Variants in ARMH3 observed in about 807,000 individuals in gnomAD.
ARMH3 encodes armadillo like helical domain containing 3.
In ARMH3, 60 loss-of-function variants were observed where a neutral mutation model predicts 99.1. The ratio of observed to expected loss-of-function variants is 0.61; its 90% CI spans 0.49 to 0.75. ARMH3 has a LOEUF of 0.75. Ranked by LOEUF, ARMH3 falls within the 30% of genes least tolerant of loss-of-function variation. ARMH3 has a pLI of 0.00. For synonymous variants in ARMH3, 285 were observed against 292.8 expected (o/e 0.97, Z 0.27); for missense variants, 679 against 843.1 (o/e 0.81, Z 2.41).
intron 8 of ARMH3, among the ~76,000 whole-genome samples, chr10:102,020,779 G>A (rs1405301627): frequency 1.3e-5 from 2 of 151,188 alleles, no homozygotes; most frequent in East Asian, 1.9e-4. Flanking sequence ...CTTGAACCTG[G>A]GAGGCAGAGA....
chr10:101,983,366 T>C (rs1846316520), intron 19 of ARMH3, among the ~76,000 whole-genome samples: 1 of 152,194 alleles, frequency 6.6e-6, no homozygotes, highest in Non-Finnish European at 1.5e-5. Flanking sequence ...ACCGCAGCCT[T>C]GACCTCCACG....
chr10:101,944,338 GAGAAC>G (rs1169293113), intron 22 of ARMH3, among the ~76,000 whole-genome samples: 11 of 128,538 alleles, frequency 8.6e-5, no homozygotes, highest in Non-Finnish European at 1.6e-4. Flanking sequence ...AGTCCAAACT[GAGAAC>G]AGAAGAGCAG....
intron 23 of ARMH3, among the ~76,000 whole-genome samples, chr10:101,899,192 C>T (rs575165981): frequency 6.6e-6 from 1 of 152,170 alleles, no homozygotes; most frequent in Non-Finnish European, 1.5e-5. Flanking sequence ...ATCTAACTAG[C>T]CCTAAGGAAT....
At chr10:101,864,112 C>A (rs991048780) in intron 24 of ARMH3, among the ~76,000 whole-genome samples, 3 of 141,440 alleles carry the variant, frequency 2.1e-5, no homozygotes, top group Non-Finnish European at 3.1e-5. Context: ...CACACAAAAA[C>A]CAGACAATTC....
At chr10:102,021,325 T>C (rs1405292803) in intron 8 of ARMH3, among the ~76,000 whole-genome samples, 3 of 151,592 alleles carry the variant, frequency 2.0e-5, no homozygotes, top group African/African-American at 7.3e-5. Context: ...AGCAATCCAC[T>C]AGCCTTAGCC....
intron 21 of ARMH3, 144 bp downstream of exon 21, chr10:101,957,506 A>T: frequency 1.3e-6 from 1 of 791,612 alleles, no homozygotes. Context: ...GGGGACCACC[A>T]GTCCAGATTC....
At chr10:102,021,268 T>C (rs2136155812) in intron 8 of ARMH3, among the ~76,000 whole-genome samples, 1 of 152,040 alleles carries the variant, frequency 6.6e-6, no homozygotes, top group East Asian at 1.9e-4. Context: ...AAAATATAGA[T>C]GGAGTTTTGC....
At chr10:102,033,568 A>G (rs536290741) in intron 2 of ARMH3, 55 of 426,282 alleles carry the variant, frequency 1.3e-4, no homozygotes, top group Non-Finnish European at 2.1e-4. Context: ...ACAGGCGCCC[A>G]CCACCTCGCC....
intron 15 of ARMH3, 110 bp from the exon 16 acceptor site, chr10:101,995,465 C>T: frequency 2.3e-6 from 2 of 880,140 alleles, no homozygotes; most frequent in Non-Finnish European, 3.5e-6. Flanking sequence ...ACTTTCTCTT[C>T]CCACAAAATC....
rs192506067 is a variant in ARMH3 at position 102,033,032 on chromosome 10, T to C, written c.300A>G (p.Ala100=). The part of the protein sequence containing the change: ...GEEHPIRVVN[A]LQTLCALIRG... ...CAGTCTCCCAGCCTTGTACCTGCAA[T>C]GCATTGACAACCCGAATTGGATGCT... The change falls in exon 4 of 26, where the codon GCA becomes GCG. Residue 100 remains alanine (A), a synonymous_variant. Coordinates refer to ENST00000370033, the MANE Select transcript of ARMH3 (RefSeq NM_024541.3). 1.2e-4 allele frequency: 194 copies of C among 1,614,060 alleles called. 2 individuals carry two copies. The East Asian group carries it at 3.0e-3, about 25-fold the overall frequency.
intron 20 of ARMH3, among the ~76,000 whole-genome samples, 163 bp downstream of exon 20, chr10:101,975,049 T>TAAAAAAAAAAAAAAAAAAAAAAAAAA (rs11399489): frequency 6.4e-4 from 19 of 29,652 alleles, no homozygotes; most frequent in African/African-American, 8.3e-4. Context: ...AGCTAAAACG[T>TAAAAAAAAAAAAAAAAAAAAAAAAAA]AAAAAAAAAA....
chr10:101,912,631 T>C lies in ARMH3; in HGVS notation c.1782-23141A>G, dbSNP rs199697452. On this transcript the variant is annotated intron_variant, in intron 23 of 25. Coordinates refer to ENST00000370033, the MANE Select transcript of ARMH3 (RefSeq NM_024541.3). ...GCTGCAAGTAAAGACAGTTTACATC[T>C]TCCTTTACAATTTAGATGGCTTTTA... 5.9e-5 allele frequency among the ~76,000 whole-genome samples: 9 copies of C among 152,314 alleles called. No individual in the cohort carries two copies. In the East Asian group the frequency reaches 1.7e-3, roughly 29 times the overall value.
chr10:101,982,069 T>G (rs1590128120), intron 19 of ARMH3, among the ~76,000 whole-genome samples: 3 of 137,432 alleles, frequency 2.2e-5, no homozygotes, highest in South Asian at 4.7e-4. Context: ...CCTTCAGCAG[T>G]GATATTAAAA....
At chr10:101,867,462 T>G (rs1324078505) in intron 24 of ARMH3, among the ~76,000 whole-genome samples, 1 of 152,178 alleles carries the variant, frequency 6.6e-6, no homozygotes, top group Non-Finnish European at 1.5e-5. Flanking sequence ...GTCAATGCTG[T>G]GGGAGAAAAC....
intron 1 of ARMH3, among the ~76,000 whole-genome samples, chr10:102,054,376 G>C (rs953886213): frequency 4.1e-5 from 6 of 147,984 alleles, no homozygotes; most frequent in Non-Finnish European, 8.9e-5. Context: ...GCGACAGAGC[G>C]AGACTCCGTC....
intron 23 of ARMH3, among the ~76,000 whole-genome samples, chr10:101,928,633 C>A (rs1297855680): frequency 6.6e-6 from 1 of 152,224 alleles, no homozygotes; most frequent in African/African-American, 2.4e-5. Context: ...TATGCCACTG[C>A]ACTCCAGCCT....
intron 5 of ARMH3, among the ~76,000 whole-genome samples, chr10:102,026,218 G>A (rs1412463475): frequency 6.6e-6 from 1 of 152,166 alleles, no homozygotes; most frequent in Non-Finnish European, 1.5e-5. Context: ...TGAGGAAGGA[G>A]AATAGATGGA....
At chr10:101,952,570 T>G (rs761983815) in intron 22 of ARMH3, 1 of 151,994 alleles carries the variant, frequency 6.6e-6, no homozygotes, top group Non-Finnish European at 1.5e-5. Flanking sequence ...AAGAAAGACA[T>G]CTCATACAAT....
chr10:101,898,781 G>A (rs1424508759), intron 23 of ARMH3, among the ~76,000 whole-genome samples: 3 of 152,182 alleles, frequency 2.0e-5, no homozygotes, highest in Non-Finnish European at 4.4e-5. Flanking sequence ...TTACATTAAC[G>A]AGTCTGATTG....
Sources: gnomAD v4.1 joint callset for allele counts (sites outside exome capture counted in the v4.1 genomes callset) on GRCh38, gnomAD v4.1.1 for gene constraint, MANE v1.5 for transcripts, NCBI Gene and HGNC (gene_info 2026-07-23, HGNC 2026-07-21) for gene names.